CHD7: variants seen among roughly 807,000 people sequenced by gnomAD.
CHD7 encodes the protein ATP-dependent chromatin remodeler CHD7.
Under a neutral mutation model 307.3 loss-of-function variants are expected in CHD7, and 24 were observed. The observed-to-expected ratio is 0.08, with a 90% CI of 0.06 to 0.11. The LOEUF is 0.11. Among genes scored for constraint, CHD7 ranks in the 10% least tolerant of loss-of-function variants. The pLI, the probability that CHD7 is intolerant of heterozygous loss-of-function variation, is 1.00. For missense variants in CHD7, 3,106 were observed against 3,727.1 expected, an observed-to-expected ratio of 0.83 and a Z score of 4.34; for synonymous variants, 1,363 against 1,349.9, an observed-to-expected ratio of 1.01 and a Z score of -0.21.
chr8:60,756,075 A>G (rs931077885), intron 2 of CHD7, among the ~76,000 whole-genome samples: 1 of 152,248 alleles, frequency 6.6e-6, no homozygotes, highest in East Asian at 1.9e-4. Context: ...TTTGATTTTA[A>G]TTTAAATAGC....
intron 1 of CHD7, among the ~76,000 whole-genome samples, chr8:60,725,127 C>A (rs563699058): frequency 5.9e-5 from 9 of 152,346 alleles, no homozygotes; most frequent in African/African-American, 1.9e-4. Context: ...GCGGGAACAC[C>A]TAGCCCAGGG....
chr8:60,726,269 T>G (rs1013784074), intron 1 of CHD7, among the ~76,000 whole-genome samples: 1 of 152,254 alleles, frequency 6.6e-6, no homozygotes, highest in Non-Finnish European at 1.5e-5. Context: ...TTTCCAATTG[T>G]GAAGCTAGTA....
chr8:60,835,994 G>A (rs1804725915), intron 15 of CHD7, 79 bp from the exon 16 acceptor site: 9 of 1,031,108 alleles, frequency 8.7e-6, no homozygotes, highest in Non-Finnish European at 1.0e-5. Context: ...AGTTTGCAAT[G>A]GGTTTTGAAA....
At position 60,808,286 on chromosome 8, in the gene CHD7, G is replaced by A; in HGVS notation, c.2498+14G>A. 6.8e-7 allele frequency: 1 copy of A among 1,479,888 alleles called. No individual in the cohort carries two copies. Among genetic ancestry groups the A allele is most frequent in the Non-Finnish European group, 9.3e-7 (1 of 1,070,728 alleles). 91.7% of individuals were successfully genotyped at this position (1,479,888 alleles called of 1,614,324 possible). A position where few individuals can be genotyped will look rare whatever the true frequency, so the allele number is the denominator to read the frequency against. On this transcript the variant is annotated intron_variant, in intron 7 of 37. Transcript: ENST00000423902. The stretch of plus-strand genomic sequence containing the variant: ...ATACAAAAACTTGTAAGTAAATTGT[G>A]ATTCTGTTTTTAATGGGGGGCTATA...
chr8:60,758,666 G>C (rs1194560998), intron 2 of CHD7, among the ~76,000 whole-genome samples: 3 of 152,076 alleles, frequency 2.0e-5, no homozygotes, highest in Admixed American at 6.5e-5. Context: ...TTGTCTTTCA[G>C]TTGGACTTTC....
chr8:60,773,502 G>A (rs1684803033), intron 2 of CHD7, among the ~76,000 whole-genome samples: 1 of 152,186 alleles, frequency 6.6e-6, no homozygotes, highest in African/African-American at 2.4e-5. Flanking sequence ...TGCCCTAGGG[G>A]TGTGTGTGTA....
intron 1 of CHD7, among the ~76,000 whole-genome samples, chr8:60,687,490 A>T (rs1238877924): frequency 2.6e-5 from 4 of 152,208 alleles, no homozygotes; most frequent in Admixed American, 1.3e-4. Context: ...TTTTGCTTTC[A>T]TTAATCTCAA....
Position 60,853,140 on chromosome 8 carries a change from A to C in CHD7, c.6415A>C (p.Asn2139His). 1 of 1,613,986 alleles carries C rather than the reference A, an allele frequency of 6.2e-7. No homozygotes were observed. Among genetic ancestry groups the C allele is most frequent in the South Asian group, 1.1e-5 (1 of 91,060 alleles). Residue 2139 changes from asparagine (N) to histidine (H), a missense_variant, in exon 31 of 38, where the codon AAT (asparagine) becomes CAT (histidine). Transcript: ENST00000423902. ...CTTTGCTCAAAACAGAGGGGCAGGT[A>C]ATACATCTTCCTTGAACCCACTGGC... ...KNFAQNRGAG[N>H]TSSLNPLAVG...
intron 2 of CHD7, among the ~76,000 whole-genome samples, chr8:60,773,067 A>G (rs1033011434): frequency 3.3e-5 from 5 of 152,140 alleles, no homozygotes; most frequent in Admixed American, 2.6e-4. Flanking sequence ...CACCTCACCA[A>G]CCTCATAGGG....
At chr8:60,845,495 G>A (rs1263355640) in intron 23 of CHD7, 86 bp downstream of exon 23, 3 of 1,418,878 alleles carry the variant, frequency 2.1e-6, no homozygotes, top group Non-Finnish European at 2.9e-6. Context: ...CACGTCTGCA[G>A]ATGCAGAACT....
chr8:60,862,144 G>T, intron 35 of CHD7, 52 bp from the exon 36 acceptor site: 1 of 1,446,190 alleles, frequency 6.9e-7, no homozygotes. Flanking sequence ...TTTATATAGA[G>T]AAGAATAAGT....
intron 1 of CHD7, among the ~76,000 whole-genome samples, chr8:60,706,918 C>T (rs1807049448): frequency 6.6e-6 from 1 of 152,146 alleles, no homozygotes; most frequent in South Asian, 2.1e-4. Flanking sequence ...GTGCCGCACC[C>T]ATTAACTCGT....
chr8:60,726,762 G>T, intron 1 of CHD7, among the ~76,000 whole-genome samples: 1 of 152,112 alleles, frequency 6.6e-6, no homozygotes, highest in East Asian at 1.9e-4. Context: ...AGCACCTCAT[G>T]ACCACCACCC....
intron 15 of CHD7, among the ~76,000 whole-genome samples, chr8:60,832,703 TC>T (rs1804574518): frequency 6.6e-6 from 1 of 152,194 alleles, no homozygotes; most frequent in African/African-American, 2.4e-5. Context: ...CACCCCCAGT[TC>T]CATCAAGTTT....
Position 60,821,951 on chromosome 8 carries a change from A to T in CHD7, c.2835+24A>T, listed in dbSNP as rs201381395. 246 of 1,613,280 alleles carry T rather than the reference A, an allele frequency of 1.5e-4. 1 individual carries two copies. The African/African-American group carries it at 3.2e-3, about 21-fold the overall frequency. Reference sequence around the variant, plus strand: ...TGGTAAGAATTGGCTGATGGTAGAGAATTTAATTTGAAAATAGCATAGTGG... The same window carrying T: ...TGGTAAGAATTGGCTGATGGTAGAGTATTTAATTTGAAAATAGCATAGTGG... On this transcript the variant is annotated intron_variant, in intron 10 of 37. Coordinates refer to ENST00000423902, the MANE Select transcript of CHD7 (RefSeq NM_017780.4).
chr8:60,724,353 T>A (rs34022185), intron 1 of CHD7, among the ~76,000 whole-genome samples: 32,933 of 152,174 alleles, frequency 0.22, 5,876 homozygotes, highest in African/African-American at 0.49. Flanking sequence ...ATGTTTGAGG[T>A]TAAACTGGGA....
chr8:60,831,408 G>T (rs927648533), intron 15 of CHD7, among the ~76,000 whole-genome samples: 1 of 151,976 alleles, frequency 6.6e-6, no homozygotes, highest in Non-Finnish European at 1.5e-5. Flanking sequence ...AAGAGAGGGG[G>T]TCAGGAAAAC....
chr8:60,833,252 T>A (rs1804601665), intron 15 of CHD7, among the ~76,000 whole-genome samples: 1 of 152,206 alleles, frequency 6.6e-6, no homozygotes, highest in Non-Finnish European at 1.5e-5. Flanking sequence ...AGAAGCAATT[T>A]TATATGTATG....
At chr8:60,696,956 A>T (rs1195647440) in intron 1 of CHD7, among the ~76,000 whole-genome samples, 1 of 150,486 alleles carries the variant, frequency 6.6e-6, no homozygotes, top group African/African-American at 2.4e-5. Flanking sequence ...CTTTTTTTTT[A>T]AAGTTTCCTG....
Sources: gnomAD v4.1 joint callset for allele counts (sites outside exome capture counted in the v4.1 genomes callset) on GRCh38, gnomAD v4.1.1 for gene constraint, MANE v1.5 for transcripts, NCBI Gene and HGNC (gene_info 2026-07-23, HGNC 2026-07-21) for gene names.